Variants in ACTR3B observed in about 807,000 individuals in gnomAD.
ACTR3B encodes actin-related protein 3B.
Under a neutral mutation model 59.0 loss-of-function variants are expected in ACTR3B, and 8 were observed. The ratio of observed to expected loss-of-function variants is 0.14; its 90% CI spans 0.08 to 0.24. ACTR3B has a LOEUF of 0.24. Ranked by LOEUF, ACTR3B falls within the 10% of genes least tolerant of loss-of-function variation. The pLI, the probability that ACTR3B is intolerant of heterozygous loss-of-function variation, is 1.00. For missense variants in ACTR3B, 245 were observed against 552.3 expected, an observed-to-expected ratio of 0.44 and a Z score of 5.58; for synonymous variants, 148 against 197.9, an observed-to-expected ratio of 0.75 and a Z score of 2.12.
chr7:152,853,038 G>A (rs898049626), intron 10 of ACTR3B, among the ~76,000 whole-genome samples: 5 of 152,042 alleles, frequency 3.3e-5, no homozygotes, highest in Non-Finnish European at 7.4e-5. Flanking sequence ...TGATCCATGC[G>A]CCTCGGCCTC....
chr7:152,809,971 G>A (rs2098264768), intron 4 of ACTR3B, among the ~76,000 whole-genome samples: 1 of 151,802 alleles, frequency 6.6e-6, no homozygotes, highest in East Asian at 1.9e-4. Flanking sequence ...TACCCTATTA[G>A]CCATTTTTAA....
intron 9 of ACTR3B, among the ~76,000 whole-genome samples, chr7:152,835,359 G>C (rs1363831470): frequency 6.6e-6 from 1 of 152,164 alleles, no homozygotes; most frequent in East Asian, 1.9e-4. Context: ...GAGATTTTGT[G>C]GGTTCAGTTT....
At chr7:152,761,455 TCA>T (rs1563064392) in intron 1 of ACTR3B, among the ~76,000 whole-genome samples, 1 of 152,242 alleles carries the variant, frequency 6.6e-6, no homozygotes, top group African/African-American at 2.4e-5. Flanking sequence ...AAAATAATGC[TCA>T]CAGAGTTGTC....
intron 9 of ACTR3B, among the ~76,000 whole-genome samples, chr7:152,843,557 T>C (rs900117376): frequency 6.6e-6 from 1 of 152,240 alleles, no homozygotes; most frequent in South Asian, 2.1e-4. Context: ...ATAATGCCTT[T>C]GAAGGAAACT....
chr7:152,798,826 C>A (rs1413071878), intron 2 of ACTR3B, among the ~76,000 whole-genome samples: 1 of 152,150 alleles, frequency 6.6e-6, no homozygotes, highest in South Asian at 2.1e-4. Context: ...GGATTCATTT[C>A]TGGGCTCTTT....
At chr7:152,786,551 TCGA>T (rs2098174947) in intron 2 of ACTR3B, 1 of 136,806 alleles carries the variant, frequency 7.3e-6, no homozygotes, top group Non-Finnish European at 1.5e-5. Context: ...AGGTTCCGTC[TCGA>T]AAAAAAAAAA....
rs550076117 is a variant in ACTR3B at position 152,825,355 on chromosome 7, G to A, written c.951+233G>A. On this transcript the variant is annotated intron_variant, in intron 9 of 11. Transcript: ENST00000256001. ...GAGACGGACTCTTGCTCTGTCACCCGGGCTGGAGTGCAGTGGTGCGATCTC... is the reference window on the plus strand; with the variant it reads ...GAGACGGACTCTTGCTCTGTCACCCAGGCTGGAGTGCAGTGGTGCGATCTC... Among the ~76,000 whole-genome samples, 25 of 151,930 alleles carry A rather than the reference G, an allele frequency of 1.6e-4. No individual in the cohort carries two copies. The South Asian group carries it at 1.7e-3, about 10-fold the overall frequency.
intron 1 of ACTR3B, among the ~76,000 whole-genome samples, chr7:152,770,565 T>A (rs1316103117): frequency 6.6e-6 from 1 of 151,894 alleles, no homozygotes; most frequent in Non-Finnish European, 1.5e-5. Flanking sequence ...CAGGAATTGC[T>A]AATATCTAAG....
chr7:152,780,710 T>G (rs539077997), intron 1 of ACTR3B, among the ~76,000 whole-genome samples: 2 of 151,966 alleles, frequency 1.3e-5, no homozygotes, highest in African/African-American at 2.4e-5. Flanking sequence ...CTACTAGATT[T>G]ACCATTTGTT....
intron 2 of ACTR3B, among the ~76,000 whole-genome samples, chr7:152,797,456 A>G (rs1160412211): frequency 6.6e-6 from 1 of 152,196 alleles, no homozygotes; most frequent in African/African-American, 2.4e-5. Context: ...GATGTTTTGA[A>G]GTATATATAC....
Position 152,854,766 on chromosome 7 carries a change from C to T in ACTR3B, c.*213C>T. The T allele has an allele frequency of 5.7e-6, 3 of 522,210 alleles. No homozygotes were observed. The highest frequency in any genetic ancestry group is 6.9e-6 in the Non-Finnish European group (2 of 291,474). The allele number at this position is 522,210 out of a possible 1,614,324, so 32.3% of individuals were successfully genotyped here. On this transcript the variant is annotated 3_prime_UTR_variant, in exon 12 of 12. Coordinates refer to ENST00000256001, the MANE Select transcript of ACTR3B (RefSeq NM_020445.6). This position sits in a 1 kb window ranked among gnomAD's most constrained non-coding sequence, Gnocchi z 4.9. Reference sequence around the variant, plus strand: ...GTCTGCCAGCCTCCTCCTTCTCCCGCCCTCCTCACCCTCGCTCTCCCTCCT... The same window carrying T: ...GTCTGCCAGCCTCCTCCTTCTCCCGTCCTCCTCACCCTCGCTCTCCCTCCT...
At chr7:152,778,580 T>C (rs947025508) in intron 1 of ACTR3B, among the ~76,000 whole-genome samples, 4 of 151,970 alleles carry the variant, frequency 2.6e-5, no homozygotes, top group Non-Finnish European at 4.4e-5. Flanking sequence ...TTGAAAAGCA[T>C]TTCCTACATT....
Position 152,854,024 on chromosome 7 carries a change from G to A in ACTR3B, c.1162-434G>A, listed in dbSNP as rs73166495. On this transcript the variant is annotated intron_variant, in intron 11 of 11. Coordinates refer to ENST00000256001, the MANE Select transcript of ACTR3B (RefSeq NM_020445.6). The surrounding 1 kb of genome is among the most constrained non-coding windows in gnomAD (Gnocchi z 4.9). ...ATTACAGGTGTGAGCCTCTGTGCCCGGCCCGATATAAACTATATCTTAATA... is the reference window on the plus strand; with the variant it reads ...ATTACAGGTGTGAGCCTCTGTGCCCAGCCCGATATAAACTATATCTTAATA... 5.1e-3 allele frequency among the ~76,000 whole-genome samples: 779 copies of A among 152,198 alleles called. No individual in the cohort carries two copies. Among genetic ancestry groups the A allele is most frequent in the Non-Finnish European group, 8.5e-3 (580 of 68,024 alleles).
At chr7:152,765,338 A>G (rs1162036840) in intron 1 of ACTR3B, among the ~76,000 whole-genome samples, 2 of 151,256 alleles carry the variant, frequency 1.3e-5, no homozygotes, top group Non-Finnish European at 2.9e-5. Flanking sequence ...GCCAGTCTTG[A>G]ACTCCTGACC....
At chr7:152,804,960 C>T (rs1369079217) in intron 4 of ACTR3B, among the ~76,000 whole-genome samples, 3 of 152,106 alleles carry the variant, frequency 2.0e-5, no homozygotes, top group Admixed American at 2.0e-4. Flanking sequence ...AATCAGGCTT[C>T]CAGAGCCAGT....
intron 4 of ACTR3B, among the ~76,000 whole-genome samples, chr7:152,801,954 G>A (rs2098238104): frequency 6.6e-6 from 1 of 151,758 alleles, no homozygotes; most frequent in African/African-American, 2.4e-5. Flanking sequence ...TAGGGCTGTT[G>A]TTTTAGCAGC....
At chr7:152,764,815 T>C (rs1354757759) in intron 1 of ACTR3B, among the ~76,000 whole-genome samples, 4 of 152,204 alleles carry the variant, frequency 2.6e-5, no homozygotes, top group Non-Finnish European at 5.9e-5. Context: ...TCACCAGTAA[T>C]GTGTGAGGAT....
intron 9 of ACTR3B, 62 bp downstream of exon 9, chr7:152,825,184 A>G (rs1438504872): frequency 3.2e-6 from 5 of 1,558,260 alleles, no homozygotes; most frequent in Non-Finnish European, 4.4e-6. Context: ...CATAATTCTT[A>G]GAAGACGGTA....
chr7:152,852,262 G>C lies in ACTR3B; in HGVS notation c.1077+11G>C. 2 of 1,609,066 alleles carry C rather than the reference G, an allele frequency of 1.2e-6. No homozygotes were observed. The highest frequency in any genetic ancestry group is 2.2e-5 in the East Asian group (1 of 44,858). On this transcript the variant is annotated intron_variant, in intron 10 of 11. Coordinates refer to ENST00000256001, the MANE Select transcript of ACTR3B (RefSeq NM_020445.6). ...GGCGGGAGGATCAAGGTAGGAGCCA[G>C]AGGCCTCCACGCAGTGCCTGGGGCT... is the stretch of plus-strand genomic sequence containing the variant.
Sources: gnomAD v4.1 joint callset for allele counts (sites outside exome capture counted in the v4.1 genomes callset) on GRCh38, gnomAD v4.1.1 for gene constraint, Gnocchi (gnomAD v3.1) non-coding constraint, MANE v1.5 for transcripts, NCBI Gene and HGNC (gene_info 2026-07-23, HGNC 2026-07-21) for gene names.